KCNQ5: variants seen among roughly 807,000 people sequenced by gnomAD.
KCNQ5 encodes potassium voltage-gated channel subfamily KQT member 5.
A neutral mutation model predicts 98.2 loss-of-function variants in KCNQ5; 30 were observed. That is an observed-to-expected ratio of 0.31 (90% CI 0.23 to 0.41). The LOEUF (loss-of-function observed/expected upper bound fraction) is 0.41, where lower values mean the gene tolerates loss of function less well. KCNQ5 is among the 10% of genes least tolerant of loss of function. KCNQ5 has a pLI of 1.00. For missense variants in KCNQ5, 835 were observed against 1,182.5 expected (o/e 0.71, Z 4.31); for synonymous variants, 458 against 449.4 (o/e 1.02, Z -0.24).
At chr6:72,927,506 A>C (rs1026065996) in intron 1 of KCNQ5, among the ~76,000 whole-genome samples, 2 of 152,138 alleles carry the variant, frequency 1.3e-5, no homozygotes, top group Admixed American at 1.3e-4. Flanking sequence ...CTAGGTGACA[A>C]TGAGACAAAC....
chr6:72,816,124 AG>A (rs1299576516), intron 1 of KCNQ5, among the ~76,000 whole-genome samples: 1 of 152,208 alleles, frequency 6.6e-6, no homozygotes, highest in Non-Finnish European at 1.5e-5. Flanking sequence ...CAGAAGTCAT[AG>A]GGGGAGAAGG....
At chr6:73,027,645 A>T (rs1312628274) in intron 2 of KCNQ5, among the ~76,000 whole-genome samples, 1 of 152,200 alleles carries the variant, frequency 6.6e-6, no homozygotes, top group Non-Finnish European at 1.5e-5. Context: ...AAGGGTCTTG[A>T]AAAGTGTTTC....
At chr6:72,842,622 T>C (rs950411784) in intron 1 of KCNQ5, among the ~76,000 whole-genome samples, 7 of 152,222 alleles carry the variant, frequency 4.6e-5, no homozygotes, top group African/African-American at 1.7e-4. Flanking sequence ...AGTGTTTCTA[T>C]TTCTCCACAT....
chr6:72,708,109 A>G (rs1769181147), intron 1 of KCNQ5, among the ~76,000 whole-genome samples: 1 of 152,192 alleles, frequency 6.6e-6, no homozygotes, highest in Non-Finnish European at 1.5e-5. Flanking sequence ...TTACTCTTAG[A>G]TCTGTACTTC....
At chr6:73,169,452 A>G (rs796140106) in intron 10 of KCNQ5, among the ~76,000 whole-genome samples, 10 of 152,372 alleles carry the variant, frequency 6.6e-5, no homozygotes, top group African/African-American at 2.4e-4. Context: ...GGAACTGGGC[A>G]AAAGAGCATA....
chr6:72,686,373 T>G (rs1187772352), intron 1 of KCNQ5, among the ~76,000 whole-genome samples: 3 of 152,164 alleles, frequency 2.0e-5, no homozygotes, highest in Non-Finnish European at 4.4e-5. Flanking sequence ...TAGTTTCAAT[T>G]TACATTTCTT....
intron 1 of KCNQ5, among the ~76,000 whole-genome samples, chr6:72,756,416 C>G (rs765594131): frequency 6.6e-6 from 1 of 152,118 alleles, no homozygotes; most frequent in Non-Finnish European, 1.5e-5. Context: ...TGAAATGGCT[C>G]AAAGCATTTG....
intron 1 of KCNQ5, among the ~76,000 whole-genome samples, chr6:72,719,935 A>G (rs1050753718): frequency 6.6e-6 from 1 of 152,076 alleles, no homozygotes; most frequent in Non-Finnish European, 1.5e-5. Flanking sequence ...AATTTGGCAA[A>G]ATCTCATATT....
chr6:72,905,631 G>A (rs1483872641), intron 1 of KCNQ5, among the ~76,000 whole-genome samples: 1 of 152,142 alleles, frequency 6.6e-6, no homozygotes, highest in Admixed American at 6.5e-5. Flanking sequence ...CCAAGCTGTA[G>A]TGATTGTTAT....
Position 73,173,447 on chromosome 6 carries a change from T to A in KCNQ5, c.1577+3593T>A, listed in dbSNP as rs147567243. ...TCACATATACCTATTTCGTAGTAGA[T>A]CACCCATTTTTCTATCACTGTCTTA... On this transcript the variant is annotated intron_variant, in intron 11 of 13. Coordinates refer to ENST00000370398, the MANE Select transcript of KCNQ5 (RefSeq NM_019842.4). 3.7e-3 allele frequency among the ~76,000 whole-genome samples: 559 copies of A among 152,306 alleles called. 5 individuals carry two copies. The highest frequency in any genetic ancestry group is 0.013 in the African/African-American group (522 of 41,566).
chr6:73,190,513 A>C, intron 11 of KCNQ5, 60 bp from the exon 12 acceptor site: 2 of 895,924 alleles, frequency 2.2e-6, no homozygotes, highest in Non-Finnish European at 3.1e-6. Context: ...CTGGTAAACT[A>C]TTTTGGTAAC....
chr6:72,752,114 G>A (rs745473657), intron 1 of KCNQ5, among the ~76,000 whole-genome samples: 14 of 152,112 alleles, frequency 9.2e-5, no homozygotes, highest in Non-Finnish European at 1.3e-4. Context: ...TCAAACATTT[G>A]TTGAGCATCT....
At chr6:73,014,383 A>G (rs1770222333) in intron 2 of KCNQ5, among the ~76,000 whole-genome samples, 1 of 152,066 alleles carries the variant, frequency 6.6e-6, no homozygotes. Context: ...ATAAGCAGTA[A>G]AAGGAATGCC....
chr6:72,648,591 T>G (rs1451118524), intron 1 of KCNQ5, among the ~76,000 whole-genome samples: 1 of 152,108 alleles, frequency 6.6e-6, no homozygotes, highest in Non-Finnish European at 1.5e-5. Context: ...TGTATAGATT[T>G]TTTTTTAATG....
intron 5 of KCNQ5, among the ~76,000 whole-genome samples, chr6:73,078,301 A>G (rs1773619383): frequency 1.3e-5 from 2 of 152,102 alleles, no homozygotes; most frequent in Non-Finnish European, 2.9e-5. Flanking sequence ...TGTGAATAAA[A>G]TTGCAGCACA....
At chr6:72,986,560 C>G in intron 1 of KCNQ5, 1 of 584,878 alleles carries the variant, frequency 1.7e-6, no homozygotes, top group East Asian at 2.9e-5. Flanking sequence ...GTGAAGAAAA[C>G]AAGTAAAAGA....
intron 7 of KCNQ5, among the ~76,000 whole-genome samples, chr6:73,112,254 G>A (rs1355109783): frequency 6.6e-6 from 1 of 152,132 alleles, no homozygotes; most frequent in African/African-American, 2.4e-5. Flanking sequence ...GTCTTGAAGT[G>A]GTGCTCCAAG....
chr6:73,118,961 C>T (rs1308372900), intron 7 of KCNQ5, among the ~76,000 whole-genome samples: 1 of 152,176 alleles, frequency 6.6e-6, no homozygotes, highest in African/African-American at 2.4e-5. Flanking sequence ...GCAGAGGTGG[C>T]AGACAGCCAA....
At chr6:72,749,208 T>TTG (rs578054338) in intron 1 of KCNQ5, among the ~76,000 whole-genome samples, 212 of 152,300 alleles carry the variant, frequency 1.4e-3, no homozygotes, top group Middle Eastern at 6.8e-3. Flanking sequence ...GAATCCTTGC[T>TTG]AAAGGTGAAT....
Sources: gnomAD v4.1 joint callset for allele counts (sites outside exome capture counted in the v4.1 genomes callset) on GRCh38, gnomAD v4.1.1 for gene constraint, MANE v1.5 for transcripts, NCBI Gene and HGNC (gene_info 2026-07-23, HGNC 2026-07-21) for gene names.